Variants in KANK4 observed in about 807,000 individuals in gnomAD.
KANK4 encodes the protein KN motif and ankyrin repeat domains 4, also known as KN motif and ankyrin repeat domain-containing protein 4.
A neutral mutation model predicts 80.8 loss-of-function variants in KANK4; 50 were observed. The ratio of observed to expected loss-of-function variants is 0.62; its 90% CI spans 0.49 to 0.78. The LOEUF is 0.78. Among genes scored for constraint, KANK4 ranks in the 30% least tolerant of loss-of-function variants. The pLI, the probability that KANK4 is intolerant of heterozygous loss-of-function variation, is 0.00. For missense variants in KANK4, 1,196 were observed against 1,240.1 expected (o/e 0.96, Z 0.53); for synonymous variants, 465 against 506.9 (o/e 0.92, Z 1.11).
chr1:62,247,332 G>A, intron 9 of KANK4, 140 bp downstream of exon 9: 2 of 614,324 alleles, frequency 3.3e-6, no homozygotes, highest in Non-Finnish European at 5.6e-6. Flanking sequence ...AGAGATGGGG[G>A]TCTCCCTATG....
intron 1 of KANK4, among the ~76,000 whole-genome samples, chr1:62,294,012 C>CT (rs1644337657): frequency 6.6e-6 from 1 of 152,194 alleles, no homozygotes; most frequent in Non-Finnish European, 1.5e-5. Flanking sequence ...AACCGTGACC[C>CT]TTAATGGCTA....
chr1:62,255,808 T>C (rs558871249), intron 7 of KANK4, among the ~76,000 whole-genome samples: 17 of 152,204 alleles, frequency 1.1e-4, no homozygotes, highest in Non-Finnish European at 2.4e-4. Context: ...GTCACCATGC[T>C]CAGCTAATTC....
At chr1:62,312,462 CTAAGT>C (rs966089845) in intron 1 of KANK4, among the ~76,000 whole-genome samples, 4 of 152,180 alleles carry the variant, frequency 2.6e-5, no homozygotes, top group African/African-American at 9.7e-5. Flanking sequence ...GCTCTTGACC[CTAAGT>C]TAAGAATCTC....
chr1:62,258,286 A>T (rs1446156382), intron 7 of KANK4, among the ~76,000 whole-genome samples: 1 of 152,244 alleles, frequency 6.6e-6, no homozygotes, highest in Non-Finnish European at 1.5e-5. Flanking sequence ...AAAAAGCAGT[A>T]GCTGCTTTAT....
chr1:62,278,751 A>G (rs192974772), intron 2 of KANK4, among the ~76,000 whole-genome samples: 2 of 152,062 alleles, frequency 1.3e-5, no homozygotes, highest in East Asian at 3.9e-4. Flanking sequence ...TCCCCTCGCA[A>G]AGAAACACAC....
intron 6 of KANK4, among the ~76,000 whole-genome samples, chr1:62,265,235 CT>C (rs200158732): frequency 2.2e-4 from 33 of 147,350 alleles, no homozygotes; most frequent in African/African-American, 3.2e-4. Context: ...CATATTGGTT[CT>C]TTTTTTTTTT....
rs1671247528 is a variant in KANK4, at chr1:62,238,120, G to A, written c.*157C>T. On this transcript the variant is annotated 3_prime_UTR_variant, in exon 10 of 10. Coordinates refer to ENST00000371153, the MANE Select transcript of KANK4 (RefSeq NM_181712.5). ...GGCAAAAACTACAAAGCATCCTAAT[G>A]AGCAGAATTATACAACAGGAATGTA... The A allele has an allele frequency of 1.8e-6, 1 of 568,296 alleles. No homozygotes were observed. The highest frequency in any genetic ancestry group is 1.9e-5 in the African/African-American group (1 of 53,610). The allele number at this position is 568,296 out of a possible 1,614,324, so 35.2% of individuals were successfully genotyped here. A position where few individuals can be genotyped will look rare whatever the true frequency, so the allele number is the denominator to read the frequency against.
At chr1:62,269,110 T>C (rs1045059653) in intron 4 of KANK4, among the ~76,000 whole-genome samples, 25 of 152,242 alleles carry the variant, frequency 1.6e-4, no homozygotes, top group African/African-American at 5.8e-4. Flanking sequence ...GTTTGAACTA[T>C]TGCTTGGAGC....
At chr1:62,309,502 A>G (rs539086736) in intron 1 of KANK4, among the ~76,000 whole-genome samples, 260 of 152,318 alleles carry the variant, frequency 1.7e-3, no homozygotes, top group Non-Finnish European at 3.2e-3. Flanking sequence ...CAAGAAAGTT[A>G]ACTTCAAAAC....
At chr1:62,239,078 T>C (rs1019855238) in intron 9 of KANK4, among the ~76,000 whole-genome samples, 1 of 150,904 alleles carries the variant, frequency 6.6e-6, no homozygotes, top group Non-Finnish European at 1.5e-5. Context: ...TTTTTTTTTT[T>C]TAATTTTTTA....
At chr1:62,247,206 AC>A (rs1212493010) in intron 9 of KANK4, among the ~76,000 whole-genome samples, 1 of 151,918 alleles carries the variant, frequency 6.6e-6, no homozygotes, top group Non-Finnish European at 1.5e-5. Context: ...TTTAAATCCC[AC>A]AACAGCCTTA....
At chr1:62,253,295 C>G in intron 7 of KANK4, 86 bp from the exon 8 acceptor site, 2 of 1,330,678 alleles carry the variant, frequency 1.5e-6, no homozygotes, top group Non-Finnish European at 2.0e-6. Flanking sequence ...GGACACTGCT[C>G]GCTGGTTAGA....
At position 62,271,566 on chromosome 1, in the gene KANK4, T is replaced by TA; in HGVS notation, c.1923dup (p.Lys642Ter). The TA allele has an allele frequency of 6.2e-7, 1 of 1,613,812 alleles. No individual in the cohort carries two copies. Among genetic ancestry groups the TA allele is most frequent in the Non-Finnish European group, 8.5e-7 (1 of 1,179,720 alleles). On this transcript the variant is annotated frameshift_variant, in exon 4 of 10. Coordinates refer to ENST00000371153, the MANE Select transcript of KANK4 (RefSeq NM_181712.5). LOFTEE classifies it high-confidence loss of function. ...TAGTCTTTCTTTTTCATTATGGATTTAAGGCTGGTCGATGGGGAGATCTCT... is the reference window on the plus strand; with the variant it reads ...TAGTCTTTCTTTTTCATTATGGATTTAAAGGCTGGTCGATGGGGAGATCTCT...
At chr1:62,251,414 C>G (rs1426980401) in intron 8 of KANK4, among the ~76,000 whole-genome samples, 1 of 152,184 alleles carries the variant, frequency 6.6e-6, no homozygotes, top group African/African-American at 2.4e-5. Context: ...TCAACAGTTA[C>G]CTTATCATCT....
rs1672243011 is a variant in KANK4, at chr1:62,274,106, C to T, written c.998G>A (p.Gly333Asp). The part of the protein sequence containing the change: ...IGIRVTEESL[G>D]LARVDPGSIS... ...GCTGCCTGGATCCACCCTGGCAAGG[C>T]CCAGGCTTTCCTCAGTTACCCTGAT... is the stretch of plus-strand genomic sequence containing the variant. Residue 333 changes from glycine (G) to aspartate (D), a missense_variant, in exon 3 of 10, where the codon GGC becomes GAC. Gly to Asp is a moderately conservative substitution (Grantham distance 94, BLOSUM62 -1). Around this residue, in one of 3 missense-constraint regions of KANK4, gnomAD observed 1,154 missense variants for 1,179.6 expected, o/e 0.98. Coordinates refer to ENST00000371153, the MANE Select transcript of KANK4 (RefSeq NM_181712.5). 1.2e-6 allele frequency: 2 copies of T among 1,614,064 alleles called. No individual in the cohort carries two copies. The highest frequency in any genetic ancestry group is 2.7e-5 in the African/African-American group (2 of 74,912).
intron 2 of KANK4, among the ~76,000 whole-genome samples, chr1:62,275,991 T>C (rs1180481883): frequency 7.0e-6 from 1 of 143,842 alleles, no homozygotes; most frequent in Non-Finnish European, 1.5e-5. Context: ...AGATAAAAGG[T>C]GGTAAAAGGG....
Position 62,247,559 on chromosome 1 carries a change from G to A in KANK4, c.2796C>T (p.Ala932=), listed in dbSNP as rs777258038. Residue 932 remains alanine, a synonymous_variant, in exon 9 of 10, where the codon GCC becomes GCT. Coordinates refer to ENST00000371153, the MANE Select transcript of KANK4 (RefSeq NM_181712.5). ...VNLQDHDGSS[A]LMVACHHGNV... is the part of the protein sequence containing the mutation. ...TGCCATGGTGACAGGCCACCATGAG[G>A]GCCGAGGATCCATCGTGGTCCTGCA... is the stretch of plus-strand genomic sequence containing the variant. The A allele has an allele frequency of 1.2e-6, 2 of 1,613,928 alleles. No individual in the cohort carries two copies. The highest frequency in any genetic ancestry group is 2.7e-5 in the African/African-American group (2 of 74,910).
chr1:62,275,879 A>G (rs1672300596), intron 2 of KANK4, among the ~76,000 whole-genome samples: 1 of 133,464 alleles, frequency 7.5e-6, no homozygotes, highest in Non-Finnish European at 1.6e-5. Context: ...GGAGGAAGGA[A>G]GGGAGGAAGG....
chr1:62,282,203 TCAAC>T (rs1571017922), intron 1 of KANK4, among the ~76,000 whole-genome samples: 1 of 152,106 alleles, frequency 6.6e-6, no homozygotes, highest in African/African-American at 2.4e-5. Context: ...AAGGGGAAGT[TCAAC>T]CTGGGTGGCC....
Sources: gnomAD v4.1 joint callset for allele counts (sites outside exome capture counted in the v4.1 genomes callset) on GRCh38, gnomAD v4.1.1 for gene constraint, gnomAD v4.1.1 regional missense constraint, MANE v1.5 for transcripts, NCBI Gene and HGNC (gene_info 2026-07-23, HGNC 2026-07-21) for gene names.